Variants in LRMDA observed in about 807,000 individuals in gnomAD.
LRMDA encodes leucine-rich melanocyte differentiation-associated protein.
A neutral mutation model predicts 29.8 loss-of-function variants in LRMDA; 18 were observed. The observed-to-expected ratio is 0.60, with a 90% CI of 0.42 to 0.90. The LOEUF (loss-of-function observed/expected upper bound fraction) is 0.90, where lower values mean the gene tolerates loss of function less well. Ranked by LOEUF, LRMDA falls within the 40% of genes least tolerant of loss-of-function variation. LRMDA has a pLI of 0.00. For missense variants in LRMDA, 273 were observed against 273.9 expected, an observed-to-expected ratio of 1.00 and a Z score of 0.02; for synonymous variants, 125 against 109.4, an observed-to-expected ratio of 1.14 and a Z score of -0.89.
At chr10:75,808,964 G>T (rs1843908300) in intron 2 of LRMDA, among the ~76,000 whole-genome samples, 4 of 152,228 alleles carry the variant, frequency 2.6e-5, no homozygotes, top group African/African-American at 9.6e-5. Context: ...GGGCCAGAAT[G>T]TCTCACCTGC....
chr10:75,590,905 C>G (rs1840716050), intron 2 of LRMDA, among the ~76,000 whole-genome samples: 1 of 151,680 alleles, frequency 6.6e-6, no homozygotes, highest in Non-Finnish European at 1.5e-5. Context: ...ACCACCACAC[C>G]CGGCAAATTT....
chr10:75,657,014 C>G (rs1466655119), intron 2 of LRMDA, among the ~76,000 whole-genome samples: 1 of 152,128 alleles, frequency 6.6e-6, no homozygotes, highest in African/African-American at 2.4e-5. Context: ...AAAATGGAGG[C>G]ATAGGCTTGA....
At chr10:76,379,944 C>T (rs1841569259) in intron 6 of LRMDA, among the ~76,000 whole-genome samples, 1 of 152,040 alleles carries the variant, frequency 6.6e-6, no homozygotes, top group African/African-American at 2.4e-5. Flanking sequence ...TTTTTTAATT[C>T]TTGCCTTAAT....
Position 76,341,093 on chromosome 10 carries a change from TTAAAA to T in LRMDA, c.601+16614_601+16618del, listed in dbSNP as rs929017984. Among the ~76,000 whole-genome samples, 6 of 152,154 alleles carry T rather than the reference TTAAAA, an allele frequency of 3.9e-5. 1 individual carries two copies. The Middle Eastern group carries it at 0.01, about 259-fold the overall frequency. On this transcript the variant is annotated intron_variant, in intron 6 of 6. Coordinates refer to ENST00000611255, the MANE Select transcript of LRMDA (RefSeq NM_001305581.2). Reference sequence around the variant, plus strand: ...ACAGAAACAAACTGACTCAGGAAAGTTAAAATAAAAGGATGGACAAATGTGAATAA... The same window carrying T: ...ACAGAAACAAACTGACTCAGGAAAGTTAAAAGGATGGACAAATGTGAATAA...
intron 6 of LRMDA, among the ~76,000 whole-genome samples, chr10:76,362,279 A>G (rs1210552817): frequency 6.6e-6 from 1 of 152,260 alleles, no homozygotes; most frequent in Non-Finnish European, 1.5e-5. Context: ...CAAGTGCTGT[A>G]TAAACAGGTG....
chr10:76,338,691 C>T (rs1470983363), intron 6 of LRMDA, among the ~76,000 whole-genome samples: 1 of 143,972 alleles, frequency 6.9e-6, no homozygotes, highest in East Asian at 2.2e-4. Context: ...AGAGCACTAC[C>T]AGATTTGGTT....
chr10:76,384,464 C>T (rs368087510), intron 6 of LRMDA, among the ~76,000 whole-genome samples: 42 of 152,298 alleles, frequency 2.8e-4, no homozygotes, highest in East Asian at 1.5e-3. Context: ...TGTCTAATAT[C>T]CAATTTTCTT....
intron 3 of LRMDA, among the ~76,000 whole-genome samples, chr10:76,044,019 T>C (rs542380591): frequency 4.2e-4 from 64 of 152,190 alleles, no homozygotes; most frequent in Admixed American, 1.7e-3. Context: ...CAAGTCAGTA[T>C]GTCAGCACCA....
intron 5 of LRMDA, among the ~76,000 whole-genome samples, chr10:76,114,886 C>T (rs1009516515): frequency 6.6e-6 from 1 of 152,208 alleles, no homozygotes; most frequent in African/African-American, 2.4e-5. Flanking sequence ...CTTGTCCCCC[C>T]TGAAGCTCAG....
chr10:76,272,000 A>T (rs73289025), intron 5 of LRMDA, among the ~76,000 whole-genome samples: 3,844 of 152,234 alleles, frequency 0.025, 125 homozygotes, highest in African/African-American at 0.082. Flanking sequence ...AGAAAAGCTA[A>T]AATGTGTATG....
intron 2 of LRMDA, among the ~76,000 whole-genome samples, chr10:75,844,963 G>A (rs1844607454): frequency 6.6e-6 from 1 of 152,166 alleles, no homozygotes; most frequent in South Asian, 2.1e-4. Context: ...TCCAGCATTG[G>A]TTGTGAACAT....
chr10:76,490,426 T>C (rs114026383), intron 6 of LRMDA, among the ~76,000 whole-genome samples: 1,912 of 152,024 alleles, frequency 0.013, 39 homozygotes, highest in African/African-American at 0.044. Context: ...TCTCTCTCTT[T>C]AGCTCTAATA....
chr10:75,577,326 G>C, intron 2 of LRMDA, among the ~76,000 whole-genome samples: 1 of 151,980 alleles, frequency 6.6e-6, no homozygotes, highest in South Asian at 2.1e-4. Flanking sequence ...AAAGTGAGAA[G>C]ACAAGATTAG....
At chr10:76,492,991 A>T (rs137898640) in intron 6 of LRMDA, among the ~76,000 whole-genome samples, 8 of 152,096 alleles carry the variant, frequency 5.3e-5, no homozygotes, top group African/African-American at 1.9e-4. Context: ...CACAGCACTG[A>T]GTCTCACCCA....
chr10:76,254,729 C>T (rs1192320929), intron 5 of LRMDA, among the ~76,000 whole-genome samples: 2 of 152,152 alleles, frequency 1.3e-5, no homozygotes, highest in Non-Finnish European at 2.9e-5. Flanking sequence ...TCCTCTCTCT[C>T]TATTGGAAAT....
intron 5 of LRMDA, among the ~76,000 whole-genome samples, chr10:76,173,058 T>A (rs1564674657): frequency 2.0e-5 from 3 of 150,128 alleles, no homozygotes; most frequent in Admixed American, 6.6e-5. Context: ...GTTAAGAAGA[T>A]AAAAAAAAAG....
At chr10:76,551,070 T>G (rs1907302) in intron 6 of LRMDA, among the ~76,000 whole-genome samples, 1 of 151,850 alleles carries the variant, frequency 6.6e-6, no homozygotes, top group Non-Finnish European at 1.5e-5. Flanking sequence ...TAACAAAGAC[T>G]GAGGAATGTG....
intron 6 of LRMDA, among the ~76,000 whole-genome samples, chr10:76,332,495 T>A (rs1840916454): frequency 6.6e-6 from 1 of 152,098 alleles, no homozygotes; most frequent in Non-Finnish European, 1.5e-5. Context: ...GAGGAAAAAA[T>A]GGATTTCAGT....
At chr10:75,756,120 A>C (rs1843029274) in intron 2 of LRMDA, among the ~76,000 whole-genome samples, 1 of 152,198 alleles carries the variant, frequency 6.6e-6, no homozygotes, top group Non-Finnish European at 1.5e-5. Context: ...GCTGGGGCAG[A>C]GACTTCTGTT....
Sources: allele counts gnomAD v4.1 joint callset (sites outside exome capture counted in the v4.1 genomes callset), GRCh38; gene constraint gnomAD v4.1.1; transcripts MANE v1.5; gene names NCBI Gene and HGNC (gene_info 2026-07-23, HGNC 2026-07-21).